Variants in ARHGEF3 observed in about 807,000 individuals in gnomAD.
ARHGEF3 encodes the protein 59.8 kDA protein.
In ARHGEF3, 28 loss-of-function variants were observed where a neutral mutation model predicts 63.2. The observed-to-expected ratio is 0.44, with a 90% CI of 0.33 to 0.61. The LOEUF (loss-of-function observed/expected upper bound fraction) is 0.61. Among genes scored for constraint, ARHGEF3 ranks in the 20% least tolerant of loss-of-function variants. ARHGEF3 has a pLI of 0.03. For synonymous variants in ARHGEF3, 266 were observed against 254.2 expected (o/e 1.05, Z -0.44); for missense variants, 533 against 659.3 (o/e 0.81, Z 2.10).
chr3:56,921,071 A>AC (rs1484092256), intron 3 of ARHGEF3, among the ~76,000 whole-genome samples: 1 of 150,526 alleles, frequency 6.6e-6, no homozygotes, highest in Non-Finnish European at 1.5e-5. Flanking sequence ...AAAAAAAAAA[A>AC]AAAAAACTCA....
At chr3:56,869,528 T>C (rs2040365615) in intron 4 of ARHGEF3, among the ~76,000 whole-genome samples, 1 of 152,226 alleles carries the variant, frequency 6.6e-6, no homozygotes, top group Admixed American at 6.5e-5. Flanking sequence ...CGTCAAGTAA[T>C]GTAAAATTCT....
intron 3 of ARHGEF3, among the ~76,000 whole-genome samples, chr3:56,942,800 G>A (rs370012432): frequency 6.6e-6 from 1 of 152,192 alleles, no homozygotes; most frequent in South Asian, 2.1e-4. Flanking sequence ...AAAAAGATAA[G>A]AAAGCAAAAC....
chr3:57,043,250 G>A (rs1704303934), intron 1 of ARHGEF3, among the ~76,000 whole-genome samples: 1 of 152,008 alleles, frequency 6.6e-6, no homozygotes, highest in African/African-American at 2.4e-5. Context: ...CTGAGTAGCT[G>A]GGATTACAGG....
chr3:56,737,090 C>T, intron 8 of ARHGEF3, 95 bp downstream of exon 8: 2 of 1,349,080 alleles, frequency 1.5e-6, no homozygotes, highest in South Asian at 3.1e-5. Flanking sequence ...GAACATGACC[C>T]TAGATAGGGA....
intron 3 of ARHGEF3, among the ~76,000 whole-genome samples, chr3:56,958,090 T>C (rs915170774): frequency 2.6e-5 from 4 of 152,154 alleles, no homozygotes; most frequent in Non-Finnish European, 5.9e-5. Context: ...CTTCTCCTTC[T>C]GGAAAACAAA....
In ARHGEF3 at chr3:56,811,581, G is replaced by A. The variant is rs375311226; in HGVS notation, c.193-37765C>T. 3.3e-4 allele frequency among the ~76,000 whole-genome samples: 50 copies of A among 152,268 alleles called. No homozygotes were observed. In the East Asian group the frequency reaches 5.2e-3, roughly 16 times the overall value. The stretch of plus-strand genomic sequence containing the variant: ...GACACGCTTCACAAAGGGGCTAGTT[G>A]GTGTGGGTTAACTGAATGCTTTGGT... On this transcript the variant is annotated intron_variant, in intron 4 of 12. Coordinates refer to the ARHGEF3 transcript ENST00000338458.
chr3:57,079,198 G>C, intron 1 of ARHGEF3: 1 of 396,920 alleles, frequency 2.5e-6, no homozygotes. Context: ...GCGCGGGAGC[G>C]GGTTTCCCGA....
At chr3:56,900,890 C>T (rs7618242) in intron 3 of ARHGEF3, among the ~76,000 whole-genome samples, 4,492 of 152,264 alleles carry the variant, frequency 0.03, 224 homozygotes, top group African/African-American at 0.1. Context: ...CCAGGCATTT[C>T]ACTTTCCCAG....
chr3:56,894,466 C>T (rs2041233671), intron 3 of ARHGEF3, among the ~76,000 whole-genome samples: 1 of 152,054 alleles, frequency 6.6e-6, no homozygotes, highest in Non-Finnish European at 1.5e-5. Context: ...ATTTTATGTA[C>T]TGTATTTCTT....
intron 7 of ARHGEF3, among the ~76,000 whole-genome samples, chr3:56,740,156 C>T (rs1451107124): frequency 6.6e-6 from 1 of 151,146 alleles, no homozygotes; most frequent in Admixed American, 6.6e-5. Context: ...CCTTGGCCTC[C>T]CTAAGTGCTG....
intron 7 of ARHGEF3, among the ~76,000 whole-genome samples, chr3:56,739,455 C>T (rs2033867867): frequency 6.9e-6 from 1 of 144,630 alleles, no homozygotes; most frequent in Non-Finnish European, 1.5e-5. Flanking sequence ...GGCTGGAGTG[C>T]AGTGGCGCCA....
intron 3 of ARHGEF3, among the ~76,000 whole-genome samples, chr3:56,953,566 A>C (rs1699909438): frequency 6.6e-6 from 1 of 152,162 alleles, no homozygotes; most frequent in South Asian, 2.1e-4. Flanking sequence ...TACCAGTTAC[A>C]GAGCCCTGTC....
intron 4 of ARHGEF3, among the ~76,000 whole-genome samples, chr3:56,858,404 T>C (rs1396842992): frequency 6.6e-6 from 1 of 152,178 alleles, no homozygotes; most frequent in African/African-American, 2.4e-5. Flanking sequence ...ATATATTAAC[T>C]GGCTGCTACC....
chr3:56,867,436 G>A (rs1190215159), intron 4 of ARHGEF3, among the ~76,000 whole-genome samples: 1 of 151,596 alleles, frequency 6.6e-6, no homozygotes, highest in Non-Finnish European at 1.5e-5. Flanking sequence ...GAAGAGAGGG[G>A]AGTGCCGAGG....
chr3:56,882,066 A>G (rs1410111642), intron 4 of ARHGEF3, among the ~76,000 whole-genome samples: 1 of 152,236 alleles, frequency 6.6e-6, no homozygotes, highest in Non-Finnish European at 1.5e-5. Flanking sequence ...TTTATGAGAG[A>G]AAAGACACAG....
At chr3:56,744,459 C>A (rs1347742444) in intron 7 of ARHGEF3, among the ~76,000 whole-genome samples, 1 of 148,208 alleles carries the variant, frequency 6.7e-6, no homozygotes, top group Non-Finnish European at 1.5e-5. Flanking sequence ...GTTGCAGTGG[C>A]GTGATCTCAG....
chr3:56,764,172 G>A (rs1469340114), intron 2 of ARHGEF3, among the ~76,000 whole-genome samples: 1 of 152,140 alleles, frequency 6.6e-6, no homozygotes, highest in African/African-American at 2.4e-5. Flanking sequence ...TAGAATGAAT[G>A]AAAAGCTGAA....
intron 2 of ARHGEF3, among the ~76,000 whole-genome samples, chr3:56,991,098 C>A (rs1331608112): frequency 2.0e-5 from 3 of 152,140 alleles, no homozygotes; most frequent in Admixed American, 6.5e-5. Flanking sequence ...CTTTTACCGC[C>A]CCAAGCCCTG....
intron 1 of ARHGEF3, among the ~76,000 whole-genome samples, chr3:56,787,997 T>C (rs952488208): frequency 6.6e-6 from 1 of 152,066 alleles, no homozygotes; most frequent in African/African-American, 2.4e-5. Context: ...CTGAAACGAA[T>C]AGGCTGTAGA....
Sources: allele counts gnomAD v4.1 joint callset (sites outside exome capture counted in the v4.1 genomes callset), GRCh38; gene constraint gnomAD v4.1.1; transcripts MANE v1.5; gene names NCBI Gene and HGNC (gene_info 2026-07-23, HGNC 2026-07-21).